The following CTNND2 variants were observed in gnomAD, a reference collection of about 807,000 sequenced individuals.
CTNND2 encodes the protein catenin delta 2, also known as catenin delta-2.
In CTNND2, 22 loss-of-function variants were observed where a neutral mutation model predicts 144.4. That is an observed-to-expected ratio of 0.15 (90% CI 0.11 to 0.22). The LOEUF is 0.22. CTNND2 is among the 10% of genes least tolerant of loss of function. CTNND2 has a pLI of 1.00. For synonymous variants in CTNND2, 751 were observed against 695.6 expected, an observed-to-expected ratio of 1.08 and a Z score of -1.25; for missense variants, 1,353 against 1,618.8, an observed-to-expected ratio of 0.84 and a Z score of 2.82.
intron 16 of CTNND2, among the ~76,000 whole-genome samples, chr5:11,031,682 G>A (rs1311562945): frequency 1.3e-5 from 2 of 152,118 alleles, no homozygotes; most frequent in African/African-American, 4.8e-5. Context: ...CAAGGTGGGT[G>A]GGCACCATCC....
rs1483922077 is a variant in CTNND2 at position 11,054,184 on chromosome 5, A to G, written c.2788+28512T>C. ...TAAGAGCAGCAACACGGCTACTGCT[A>G]TGAAGCACGAGGACAATGATGGCAG... On this transcript the variant is annotated intron_variant, in intron 16 of 21. Transcript: ENST00000304623. 2.6e-5 allele frequency among the ~76,000 whole-genome samples: 4 copies of G among 152,210 alleles called. No individual in the cohort carries two copies. The East Asian group carries it at 7.7e-4, about 29-fold the overall frequency.
At chr5:11,167,327 A>G (rs1759437983) in intron 11 of CTNND2, among the ~76,000 whole-genome samples, 1 of 152,214 alleles carries the variant, frequency 6.6e-6, no homozygotes, top group Non-Finnish European at 1.5e-5. Context: ...ACAAATATTG[A>G]GAATTAGGTA....
At chr5:11,641,409 G>A (rs557709981) in intron 2 of CTNND2, among the ~76,000 whole-genome samples, 1 of 147,140 alleles carries the variant, frequency 6.8e-6, no homozygotes, top group South Asian at 2.1e-4. Context: ...TAATCTCTTT[G>A]AGCATCTATT....
At chr5:11,260,040 G>A (rs995664528) in intron 9 of CTNND2, among the ~76,000 whole-genome samples, 2 of 152,144 alleles carry the variant, frequency 1.3e-5, no homozygotes, top group Non-Finnish European at 2.9e-5. Flanking sequence ...TCTGCATATG[G>A]TGAGTGAAAT....
intron 9 of CTNND2, among the ~76,000 whole-genome samples, chr5:11,239,915 C>T (rs1742038111): frequency 6.6e-6 from 1 of 152,334 alleles, no homozygotes; most frequent in Non-Finnish European, 1.5e-5. Flanking sequence ...GAGGCCAGGG[C>T]CCCAACTCTG....
At chr5:11,501,952 C>G (rs937661587) in intron 3 of CTNND2, among the ~76,000 whole-genome samples, 3 of 148,416 alleles carry the variant, frequency 2.0e-5, no homozygotes, top group African/African-American at 7.5e-5. Context: ...GGTGTGAACC[C>G]AGCAGACGGA....
At position 11,384,948 on chromosome 5, in the gene CTNND2, G is replaced by C. The variant is rs1173754529; in HGVS notation, c.894C>G (p.Ser298=). 2 of 1,579,026 alleles carry C rather than the reference G, an allele frequency of 1.3e-6. No homozygotes were observed. The highest frequency in any genetic ancestry group is 2.7e-5 in the African/African-American group (2 of 74,356). The change falls in exon 7 of 22, where the codon TCC becomes TCG. Residue 298 remains serine, a synonymous_variant. Transcript: ENST00000304623. The surrounding 1 kb of genome is among the most constrained non-coding windows in gnomAD (Gnocchi z 5.2). ...GGCGGCTGGGCGACTGCTTGGGCGA[G>C]GAGCCGCGCGGCGCGGCGTAGGTGG... ...EGATYAAPRG[S]SPKQSPSRLA...
intron 2 of CTNND2, among the ~76,000 whole-genome samples, chr5:11,624,570 T>C (rs1581626035): frequency 6.6e-6 from 1 of 152,212 alleles, no homozygotes; most frequent in East Asian, 1.9e-4. Flanking sequence ...TGTAATTTTG[T>C]TAAACAGATG....
At chr5:11,042,213 T>A (rs1464568506) in intron 16 of CTNND2, among the ~76,000 whole-genome samples, 1 of 152,192 alleles carries the variant, frequency 6.6e-6, no homozygotes, top group African/African-American at 2.4e-5. Flanking sequence ...CCACAGAAGC[T>A]GTAATTTCAC....
At chr5:11,637,863 A>C (rs1437331493) in intron 2 of CTNND2, among the ~76,000 whole-genome samples, 1 of 152,180 alleles carries the variant, frequency 6.6e-6, no homozygotes, top group African/African-American at 2.4e-5. Context: ...TCTAAGACTC[A>C]CTTTATAGAT....
intron 5 of CTNND2, among the ~76,000 whole-genome samples, chr5:11,404,599 A>ATTAT (rs1405789135): frequency 3.1e-5 from 1 of 32,766 alleles, no homozygotes; most frequent in Non-Finnish European, 9.6e-5. Flanking sequence ...CAGTATCTGT[A>ATTAT]TTCTTTTTTT....
At chr5:11,051,526 T>C (rs1561227812) in intron 16 of CTNND2, among the ~76,000 whole-genome samples, 1 of 152,204 alleles carries the variant, frequency 6.6e-6, no homozygotes, top group Admixed American at 6.5e-5. Flanking sequence ...AGGAAAGAAG[T>C]GAGGAATAGA....
intron 1 of CTNND2, among the ~76,000 whole-genome samples, chr5:11,827,780 T>C (rs1291917917): frequency 6.6e-6 from 1 of 152,208 alleles, no homozygotes; most frequent in Non-Finnish European, 1.5e-5. Context: ...TTATAGAAGA[T>C]TTAATTCATA....
chr5:11,115,883 A>G (rs1362515726), intron 13 of CTNND2, among the ~76,000 whole-genome samples: 2 of 152,146 alleles, frequency 1.3e-5, no homozygotes, highest in East Asian at 3.9e-4. Flanking sequence ...ATATGTAGTC[A>G]GGGTTGAGAA....
chr5:11,137,454 T>C (rs1349848170), intron 12 of CTNND2, among the ~76,000 whole-genome samples: 2 of 152,224 alleles, frequency 1.3e-5, no homozygotes, highest in Non-Finnish European at 2.9e-5. Context: ...CCTTGTTTTT[T>C]CCTTGCTTGT....
intron 1 of CTNND2, among the ~76,000 whole-genome samples, chr5:11,838,085 A>G (rs1427341071): frequency 6.6e-6 from 1 of 152,124 alleles, no homozygotes; most frequent in Non-Finnish European, 1.5e-5. Flanking sequence ...CTTCTGTTCT[A>G]GGAACACCAA....
intron 3 of CTNND2, among the ~76,000 whole-genome samples, chr5:11,535,549 G>A (rs1774133555): frequency 6.6e-6 from 1 of 152,028 alleles, no homozygotes; most frequent in African/African-American, 2.4e-5. Context: ...TCTTATAAGT[G>A]GTAACTTTTT....
At chr5:11,136,748 TAGC>T (rs1756193685) in intron 12 of CTNND2, among the ~76,000 whole-genome samples, 1 of 152,252 alleles carries the variant, frequency 6.6e-6, no homozygotes, top group African/African-American at 2.4e-5. Flanking sequence ...AAGTCTCATG[TAGC>T]AGCTGCAGGG....
intron 16 of CTNND2, among the ~76,000 whole-genome samples, chr5:11,041,705 G>T (rs183620812): frequency 6.6e-6 from 1 of 152,196 alleles, no homozygotes; most frequent in Non-Finnish European, 1.5e-5. Context: ...AATTGCATGA[G>T]GCTTTTGACC....
Sources: allele counts gnomAD v4.1 joint callset (sites outside exome capture counted in the v4.1 genomes callset), GRCh38; gene constraint gnomAD v4.1.1; non-coding constraint Gnocchi (gnomAD v3.1); transcripts MANE v1.5; gene names NCBI Gene and HGNC (gene_info 2026-07-23, HGNC 2026-07-21).